Variants in NHSL2 observed in about 807,000 individuals in gnomAD.
NHSL2 encodes the protein NHS-like protein 2.
Under a neutral mutation model 53.4 loss-of-function variants are expected in NHSL2, and 27 were observed. That is an observed-to-expected ratio of 0.51 (90% confidence interval 0.37 to 0.70). The LOEUF is 0.70. Ranked by LOEUF, NHSL2 falls within the 30% of genes least tolerant of loss-of-function variation. The pLI, the probability that NHSL2 is intolerant of heterozygous loss-of-function variation, is 0.00. For missense variants in NHSL2, 892 were observed against 980.1 expected, an observed-to-expected ratio of 0.91 and a Z score of 1.20; for synonymous variants, 408 against 404.1, an observed-to-expected ratio of 1.01 and a Z score of -0.12.
At chrX:71,993,855 G>A (rs1432968379) in intron 1 of NHSL2, among the ~76,000 whole-genome samples, 3 of 108,925 alleles carry the variant, frequency 2.8e-5, no homozygotes, top group African/African-American at 1.0e-4. Context: ...AAAACACTAT[G>A]CAGGCCAAAA....
rs1049271515 is a variant in NHSL2, at chrX:72,134,237, C to G, written c.564+19C>G. The G allele has an allele frequency of 6.0e-6, 7 of 1,158,568 alleles. No homozygotes were observed. The African/African-American group carries it at 1.1e-4, about 18-fold the overall frequency. On this transcript the variant is annotated intron_variant, in intron 3 of 7. Coordinates refer to ENST00000633930, the MANE Select transcript of NHSL2 (RefSeq NM_001013627.3). ...ATTGATGGTGAGTTGCCTCATCCCC[C>G]ACCTGGGAGAGCCAGCATGCACCCA... is the stretch of plus-strand genomic sequence containing the variant.
chrX:71,911,271 G>T lies in NHSL2; in HGVS notation c.184G>T (p.Gly62Trp). 13 of 1,143,945 alleles carry T rather than the reference G, an allele frequency of 1.1e-5. No individual in the cohort carries two copies. Among genetic ancestry groups the T allele is most frequent in the Non-Finnish European group, 1.4e-5 (12 of 866,493 alleles). 94.3% of individuals were successfully genotyped at this position (1,143,945 alleles called of 1,213,427 possible). ...CCTCGAGGGGCACCTGCTGGCCCTG[G>T]GGCGCCGCACAGACAGCCTGTACCG... ...EDLEGHLLAL[G>W]RRTDSLYRRT... Residue 62 changes from glycine to tryptophan, a missense_variant, in exon 1 of 8, where the codon GGG (glycine) becomes TGG (tryptophan). Physicochemically the swap from Gly to Trp is radical, Grantham distance 184. Coordinates refer to ENST00000633930, the MANE Select transcript of NHSL2 (RefSeq NM_001013627.3).
chrX:72,033,183 C>CT (rs771573442), intron 1 of NHSL2, among the ~76,000 whole-genome samples: 10,981 of 78,851 alleles, frequency 0.14, 1,723 homozygotes, highest in African/African-American at 0.41. Flanking sequence ...GAAGAATTGA[C>CT]TTTTTTTTTT....
In NHSL2 at chrX:72,147,653, A is replaced by C. The variant is rs1247478030; in HGVS notation, c.*4079A>C. On this transcript the variant is annotated 3_prime_UTR_variant, in exon 8 of 8. Coordinates refer to ENST00000633930, the MANE Select transcript of NHSL2 (RefSeq NM_001013627.3). ...GCTCCCAAGGCCAGCCCTTCAACAA[A>C]AGAGTGACTGAGTTGACGGTCTGTC... 9.0e-6 allele frequency: 1 copy of C among 111,593 alleles called. No individual in the cohort carries two copies. Among genetic ancestry groups the C allele is most frequent in the Admixed American group, 9.5e-5 (1 of 10,517 alleles). 9.2% of individuals were successfully genotyped at this position (111,593 alleles called of 1,213,427 possible).
chrX:72,149,975 T>A lies in NHSL2; in HGVS notation c.*6401T>A, dbSNP rs909399446. On this transcript the variant is annotated 3_prime_UTR_variant, in exon 8 of 8. Coordinates refer to ENST00000633930, the MANE Select transcript of NHSL2 (RefSeq NM_001013627.3). Reference sequence around the variant, plus strand: ...CCAGGTCTCCTGCCCTTGGGCCCAATCTGGTTTCATTTAAAGCACTACAAT... The same window carrying A: ...CCAGGTCTCCTGCCCTTGGGCCCAAACTGGTTTCATTTAAAGCACTACAAT... 5 of 112,509 alleles carry A rather than the reference T, an allele frequency of 4.4e-5. No individual in the cohort carries two copies. Among genetic ancestry groups the A allele is most frequent in the Non-Finnish European group, 9.4e-5 (5 of 53,301 alleles). The allele number at this position is 112,509 out of a possible 1,213,427, so 9.3% of individuals were successfully genotyped here.
At chrX:72,089,543 T>A (rs965488375) in intron 1 of NHSL2, among the ~76,000 whole-genome samples, 1 of 110,613 alleles carries the variant, frequency 9.0e-6, no homozygotes, top group Admixed American at 9.7e-5. Context: ...GCATAGAGCA[T>A]GAGGGAAGCA....
intron 1 of NHSL2, among the ~76,000 whole-genome samples, chrX:72,092,011 A>G (rs984603221): frequency 9.0e-6 from 1 of 111,287 alleles, no homozygotes; most frequent in Non-Finnish European, 1.9e-5. Flanking sequence ...CACACGCACC[A>G]AGAGGACCAA....
chrX:72,135,547 G>C (rs1410086236), intron 4 of NHSL2, among the ~76,000 whole-genome samples: 2 of 112,082 alleles, frequency 1.8e-5, no homozygotes, highest in African/African-American at 6.5e-5. Context: ...GCTGGGAAAT[G>C]TTGATGAAGA....
chrX:72,051,930 C>A (rs779469408), intron 1 of NHSL2, among the ~76,000 whole-genome samples: 2 of 112,122 alleles, frequency 1.8e-5, no homozygotes, highest in African/African-American at 6.5e-5. Flanking sequence ...GAAGCCTCTC[C>A]AGATAACTCC....
In NHSL2 at chrX:72,140,101, C is replaced by T. The variant is rs1307513651; in HGVS notation, c.2553C>T (p.Ala851=). 20 of 1,207,465 alleles carry T rather than the reference C, an allele frequency of 1.7e-5. No individual in the cohort carries two copies. The highest frequency in any genetic ancestry group is 2.2e-5 in the Non-Finnish European group (20 of 893,855). Residue 851 remains alanine (A), a synonymous_variant, in exon 6 of 8, where the codon GCC becomes GCT. Coordinates refer to ENST00000633930, the MANE Select transcript of NHSL2 (RefSeq NM_001013627.3). The part of the protein sequence containing the change: ...PEDDIESPEY[A]EEPRAEEVFT... Reference sequence around the variant, plus strand: ...ATGATATTGAGAGCCCTGAGTATGCCGAGGAACCCAGAGCAGAAGAAGTCT... The same window carrying T: ...ATGATATTGAGAGCCCTGAGTATGCTGAGGAACCCAGAGCAGAAGAAGTCT...
At chrX:72,106,031 A>G (rs1364794662) in intron 1 of NHSL2, among the ~76,000 whole-genome samples, 3 of 110,475 alleles carry the variant, frequency 2.7e-5, no homozygotes, top group Non-Finnish European at 5.7e-5. Context: ...AGCACAGTGA[A>G]ACCCCGTCTC....
intron 1 of NHSL2, among the ~76,000 whole-genome samples, chrX:72,050,407 A>G (rs2042333171): frequency 9.0e-6 from 1 of 111,223 alleles, no homozygotes; most frequent in South Asian, 3.8e-4. Context: ...TATTTGCTAG[A>G]TGAGGTAGTG....
intron 1 of NHSL2, among the ~76,000 whole-genome samples, chrX:72,099,649 G>A (rs1304464858): frequency 2.7e-5 from 3 of 111,350 alleles, no homozygotes; most frequent in Non-Finnish European, 5.7e-5. Context: ...GATTGCAGGC[G>A]TGAGCCGCCA....
At chrX:72,040,248 G>A (rs2042266303) in intron 1 of NHSL2, among the ~76,000 whole-genome samples, 1 of 111,779 alleles carries the variant, frequency 8.9e-6, no homozygotes. Flanking sequence ...TGGGAACACA[G>A]ATCATATCCA....
At chrX:72,093,733 T>G (rs12400520) in intron 1 of NHSL2, among the ~76,000 whole-genome samples, 10,196 of 87,238 alleles carry the variant, frequency 0.12, 412 homozygotes, top group Non-Finnish European at 0.14. Context: ...TTTCTTTCTT[T>G]CTTTCTTTCT....
At chrX:71,943,250 C>T (rs1433999587) in intron 1 of NHSL2, among the ~76,000 whole-genome samples, 1 of 112,042 alleles carries the variant, frequency 8.9e-6, no homozygotes, top group Non-Finnish European at 1.9e-5. Flanking sequence ...CCATGCCCAT[C>T]TCAGAATATC....
intron 1 of NHSL2, among the ~76,000 whole-genome samples, chrX:71,996,165 G>A (rs756731363): frequency 1.8e-5 from 2 of 113,322 alleles, no homozygotes; most frequent in East Asian, 5.5e-4. Context: ...GCCTCTGGGG[G>A]CAAGGTGGGG....
intron 1 of NHSL2, among the ~76,000 whole-genome samples, chrX:72,119,040 T>C (rs1333094437): frequency 8.9e-6 from 1 of 111,901 alleles, no homozygotes; most frequent in Non-Finnish European, 1.9e-5. Flanking sequence ...CTTTTCAGCA[T>C]TGAATGGAAT....
intron 1 of NHSL2, among the ~76,000 whole-genome samples, chrX:72,028,480 C>T (rs1211639028): frequency 8.9e-6 from 1 of 111,828 alleles, no homozygotes; most frequent in African/African-American, 3.3e-5. Context: ...TATTGGTGCC[C>T]GTCACTGGTG....
Sources: allele counts gnomAD v4.1 joint callset (sites outside exome capture counted in the v4.1 genomes callset), GRCh38; gene constraint gnomAD v4.1.1; transcripts MANE v1.5; gene names NCBI Gene and HGNC (gene_info 2026-07-23, HGNC 2026-07-21).